TTC6: variants seen among roughly 807,000 people sequenced by gnomAD.
The protein encoded by TTC6 is tetratricopeptide repeat protein 6.
Under a neutral mutation model 210.4 loss-of-function variants are expected in TTC6, and 172 were observed. The ratio of observed to expected loss-of-function variants is 0.82; its 90% CI spans 0.72 to 0.93. The LOEUF is 0.93. Among genes scored for constraint, TTC6 ranks in the 40% least tolerant of loss-of-function variants. TTC6 has a pLI of 0.00. For synonymous variants in TTC6, 804 were observed against 819.6 expected, an observed-to-expected ratio of 0.98 and a Z score of 0.32; for missense variants, 2,414 against 2,318.1, an observed-to-expected ratio of 1.04 and a Z score of -0.85.
chr14:37,837,287 A>T, intron 29 of TTC6: 1 of 395,482 alleles, frequency 2.5e-6, no homozygotes, highest in South Asian at 1.9e-5. Context: ...TTGATAATTT[A>T]TTGGTGAATT....
intron 29 of TTC6, among the ~76,000 whole-genome samples, chr14:37,839,040 A>G (rs1183457707): frequency 1.3e-5 from 2 of 152,152 alleles, no homozygotes; most frequent in Non-Finnish European, 2.9e-5. Context: ...CATTTGCTTT[A>G]TCCAATCTAT....
At position 37,598,724 on chromosome 14, in the gene TTC6, C is replaced by G. The variant is rs2095609372; in HGVS notation, c.-235+2716C>G. On this transcript the variant is annotated intron_variant, in intron 1 of 2. Transcript: ENST00000556845. The surrounding 1 kb of genome is among the most constrained non-coding windows in gnomAD (Gnocchi z 4.9). ...CGGCGACAGGGTCCTTCCTATTTAG[C>G]AGGACCGCAGGGTTGGCAGACAGCA... 6.6e-6 allele frequency among the ~76,000 whole-genome samples: 1 copy of G among 152,166 alleles called. No individual in the cohort carries two copies. The highest frequency in any genetic ancestry group is 2.4e-5 in the African/African-American group (1 of 41,460).
exon 11 of TTC6, chr14:37,749,267 T>G: frequency 6.6e-7 from 1 of 1,526,662 alleles, no homozygotes. Context: ...CATTAAATAT[T>G]ATGAATCTGA....
intron 3 of TTC6, among the ~76,000 whole-genome samples, chr14:37,686,130 A>G (rs1348834328): frequency 1.3e-5 from 2 of 152,082 alleles, no homozygotes; most frequent in African/African-American, 4.8e-5. Flanking sequence ...ATGTCCAAGG[A>G]CCGAATCCTC....
At chr14:37,654,612 A>G (rs776406209) in intron 1 of TTC6, among the ~76,000 whole-genome samples, 13 of 152,168 alleles carry the variant, frequency 8.5e-5, no homozygotes, top group Non-Finnish European at 1.8e-4. Flanking sequence ...CTTTATAGCA[A>G]TGTGAGAAAG....
At chr14:37,622,692 G>T in exon 1 of TTC6, 1 of 1,535,094 alleles carries the variant, frequency 6.5e-7, no homozygotes, top group Non-Finnish European at 8.7e-7. Context: ...CTCCGTCTCC[G>T]CAGAGGACGG....
intron 7 of TTC6, among the ~76,000 whole-genome samples, chr14:37,732,244 G>A (rs931508171): frequency 1.5e-5 from 2 of 131,056 alleles, no homozygotes; most frequent in East Asian, 4.7e-4. Flanking sequence ...GTGCAGTGGC[G>A]CGATCTAGGC....
At chr14:37,738,944 A>G (rs1456253112) in exon 10 of TTC6, 2 of 1,535,424 alleles carry the variant, frequency 1.3e-6, no homozygotes, top group African/African-American at 1.4e-5. Context: ...CAACTATGTG[A>G]AAGAAAGTAT....
Position 37,823,745 on chromosome 14 carries a change from A to C in TTC6, c.4764-2A>C. On this transcript the variant is annotated splice_acceptor_variant, in intron 26 of 30. Transcript: ENST00000553443. LOFTEE classifies it high-confidence loss of function. Reference sequence around the variant, plus strand: ...GGCATCAATATTTTTATTTATTTGCAGAATTAATGAGTTTGAAGAAGCTGT... The same window carrying C: ...GGCATCAATATTTTTATTTATTTGCCGAATTAATGAGTTTGAAGAAGCTGT... 1.2e-6 allele frequency: 2 copies of C among 1,612,294 alleles called. 1 individual carries two copies. Among genetic ancestry groups the C allele is most frequent in the Non-Finnish European group, 1.7e-6 (2 of 1,178,850 alleles).
At chr14:37,600,762 G>A (rs1286861362) in intron 1 of TTC6, among the ~76,000 whole-genome samples, 1 of 152,232 alleles carries the variant, frequency 6.6e-6, no homozygotes, top group African/African-American at 2.4e-5. Context: ...CCTAGAGGGA[G>A]ATTATCTTCA....
Position 37,823,050 on chromosome 14 carries a change from A to T in TTC6, c.4764-697A>T, listed in dbSNP as rs565200295. Among the ~76,000 whole-genome samples, 3 of 152,252 alleles carry T rather than the reference A, an allele frequency of 2.0e-5. No individual in the cohort carries two copies. In the East Asian group the frequency reaches 5.8e-4, roughly 29 times the overall value. On this transcript the variant is annotated intron_variant, in intron 26 of 30. Coordinates refer to ENST00000553443, the Ensembl canonical transcript of TTC6. ...CTCTCTCCATGTTAATTGAAACTAA[A>T]TATTATTATTAGATATGCATATGAA... is the stretch of plus-strand genomic sequence containing the variant.
exon 1 of TTC6, chr14:37,622,843 G>T: frequency 6.5e-7 from 1 of 1,534,180 alleles, no homozygotes; most frequent in Middle Eastern, 1.7e-4. Flanking sequence ...AGCGACGCGC[G>T]GGAGGCCGCC....
intron 6 of TTC6, among the ~76,000 whole-genome samples, chr14:37,724,261 A>G (rs1457381114): frequency 6.6e-6 from 1 of 152,100 alleles, no homozygotes; most frequent in Non-Finnish European, 1.5e-5. Flanking sequence ...TAGTTTTTCC[A>G]GTCCATGAGT....
At chr14:37,659,821 T>G (rs1231085061) in intron 1 of TTC6, among the ~76,000 whole-genome samples, 1 of 152,138 alleles carries the variant, frequency 6.6e-6, no homozygotes, top group East Asian at 1.9e-4. Context: ...GCGCTTGGCC[T>G]TCGTTGTGGT....
At chr14:37,791,197 A>G (rs2096078364) in intron 16 of TTC6, among the ~76,000 whole-genome samples, 1 of 152,110 alleles carries the variant, frequency 6.6e-6, no homozygotes, top group Non-Finnish European at 1.5e-5. Flanking sequence ...TAATGAAAAA[A>G]CATTCTGCTT....
chr14:37,695,802 C>A (rs1595117469), intron 3 of TTC6, among the ~76,000 whole-genome samples: 1 of 151,094 alleles, frequency 6.6e-6, no homozygotes, highest in Middle Eastern at 3.4e-3. Flanking sequence ...GAAAACACTT[C>A]ATGTACCCCA....
chr14:37,697,470 A>G (rs1448662349), intron 4 of TTC6, among the ~76,000 whole-genome samples: 2 of 152,116 alleles, frequency 1.3e-5, no homozygotes, highest in Non-Finnish European at 2.9e-5. Flanking sequence ...TTTCTTCTAG[A>G]TTCTTCTTCA....
At chr14:37,602,409 T>C (rs1016879455) in intron 1 of TTC6, among the ~76,000 whole-genome samples, 1 of 152,256 alleles carries the variant, frequency 6.6e-6, no homozygotes. Flanking sequence ...ACCTGCAGTG[T>C]TGTGGCAAGG....
intron 5 of TTC6, among the ~76,000 whole-genome samples, chr14:37,707,319 CTT>C (rs1164393866): frequency 1.3e-5 from 2 of 151,850 alleles, no homozygotes; most frequent in Non-Finnish European, 2.9e-5. Flanking sequence ...CAGTATAAGA[CTT>C]TTTTGTTTTA....
Sources: gnomAD v4.1 joint callset for allele counts (sites outside exome capture counted in the v4.1 genomes callset) on GRCh38, gnomAD v4.1.1 for gene constraint, Gnocchi (gnomAD v3.1) non-coding constraint, MANE v1.5 for transcripts, NCBI Gene and HGNC (gene_info 2026-07-23, HGNC 2026-07-21) for gene names.